The following PATJ variants were observed in gnomAD, a reference collection of about 807,000 sequenced individuals.
PATJ encodes inaD-like protein.
A neutral mutation model predicts 224.9 loss-of-function variants in PATJ; 190 were observed. The ratio of observed to expected loss-of-function variants is 0.84; its 90% confidence interval spans 0.75 to 0.95. The LOEUF is 0.95. Ranked by LOEUF, PATJ falls within the 40% of genes least tolerant of loss-of-function variation. PATJ has a pLI of 0.00. For synonymous variants in PATJ, 769 were observed against 820.3 expected (o/e 0.94, Z 1.07); for missense variants, 2,121 against 2,270.3 (o/e 0.93, Z 1.34).
chr1:61,895,101 A>G (rs1670173209), intron 22 of PATJ, among the ~76,000 whole-genome samples: 1 of 152,216 alleles, frequency 6.6e-6, no homozygotes, highest in African/African-American at 2.4e-5. Context: ...CTAAGCAGCA[A>G]AGCATTGAAG....
chr1:61,827,908 C>T (rs1349640646), intron 16 of PATJ, among the ~76,000 whole-genome samples: 3 of 152,088 alleles, frequency 2.0e-5, no homozygotes, highest in Admixed American at 6.6e-5. Flanking sequence ...AAGGTGTTTG[C>T]GAGTGTTGCA....
Position 62,062,976 on chromosome 1 carries a change from A to G in PATJ, c.4125+11918A>G, listed in dbSNP as rs377741126. Among the ~76,000 whole-genome samples the G allele has an allele frequency of 1.5e-3, 234 of 152,288 alleles. 3 individuals carry two copies. The South Asian group carries it at 0.039, about 26-fold the overall frequency. The stretch of plus-strand genomic sequence containing the variant: ...TGTAGGTTGTCTGTTTACTCTGTTA[A>G]TAGTTTCTTTTGCTATGCAGAAACT... On this transcript the variant is annotated intron_variant, in intron 31 of 43. Coordinates refer to ENST00000642238, the MANE Select transcript of PATJ (RefSeq NM_001350145.3).
intron 31 of PATJ, among the ~76,000 whole-genome samples, chr1:62,054,686 A>G: frequency 6.6e-6 from 1 of 152,222 alleles, no homozygotes; most frequent in East Asian, 1.9e-4. Flanking sequence ...AAGAACTTGA[A>G]TGAAAGTACT....
chr1:61,945,494 A>G (rs555324199), intron 27 of PATJ, among the ~76,000 whole-genome samples: 20 of 152,340 alleles, frequency 1.3e-4, no homozygotes, highest in African/African-American at 3.8e-4. Context: ...GCCATTACAT[A>G]ATGGGAAAGG....
chr1:61,776,423 T>C (rs1646914484), intron 7 of PATJ, among the ~76,000 whole-genome samples: 1 of 152,200 alleles, frequency 6.6e-6, no homozygotes, highest in African/African-American at 2.4e-5. Context: ...ACCGTTATAG[T>C]AATGATTGCA....
intron 37 of PATJ, among the ~76,000 whole-genome samples, chr1:62,119,863 G>T (rs1186836203): frequency 6.6e-6 from 1 of 152,166 alleles, no homozygotes; most frequent in Non-Finnish European, 1.5e-5. Flanking sequence ...AGAATCACTT[G>T]AACCTGGGAG....
chr1:61,863,035 T>TG (rs1412799914), intron 19 of PATJ, among the ~76,000 whole-genome samples: 9 of 141,678 alleles, frequency 6.4e-5, no homozygotes, highest in African/African-American at 2.4e-4. Flanking sequence ...CAGTTTTTTT[T>TG]TTTTTTTTTT....
At chr1:61,902,780 C>A (rs1671365885) in intron 24 of PATJ, among the ~76,000 whole-genome samples, 1 of 151,916 alleles carries the variant, frequency 6.6e-6, no homozygotes. Context: ...AGCTAGGGAA[C>A]AAAATAAAGC....
intron 28 of PATJ, among the ~76,000 whole-genome samples, chr1:62,017,413 C>CA (rs58031818): frequency 0.58 from 77,762 of 134,312 alleles, 21,709 homozygotes; most frequent in African/African-American, 0.62. Flanking sequence ...GACTCCGCCT[C>CA]AAAAAAAAAA....
At chr1:61,825,788 A>G (rs1658144866) in intron 15 of PATJ, among the ~76,000 whole-genome samples, 1 of 152,214 alleles carries the variant, frequency 6.6e-6, no homozygotes, top group African/African-American at 2.4e-5. Context: ...AAAAACCTGA[A>G]AAGTGACTTT....
chr1:61,950,354 A>T (rs551741950), intron 27 of PATJ, among the ~76,000 whole-genome samples: 117 of 152,274 alleles, frequency 7.7e-4, no homozygotes, highest in African/African-American at 2.5e-3. Context: ...GCCCCAAACC[A>T]CTAAATTAGT....
intron 21 of PATJ, among the ~76,000 whole-genome samples, chr1:61,876,749 A>G (rs1318371885): frequency 1.3e-5 from 2 of 152,182 alleles, no homozygotes; most frequent in Non-Finnish European, 2.9e-5. Context: ...GTTTGGGTGG[A>G]GGAGCAGTGG....
intron 27 of PATJ, among the ~76,000 whole-genome samples, chr1:61,948,498 T>C (rs2149372972): frequency 6.6e-6 from 1 of 152,128 alleles, no homozygotes; most frequent in Middle Eastern, 3.4e-3. Flanking sequence ...GAAATGCAAA[T>C]CAAAACCACA....
rs1558015030 is a variant in PATJ, at chr1:61,998,031, T to TAA, written c.3867+7667_3867+7668insAA. On this transcript the variant is annotated intron_variant, in intron 28 of 43. Coordinates refer to ENST00000642238, the MANE Select transcript of PATJ (RefSeq NM_001350145.3). ...ATATATATTAATTATATATAATATA[T>TAA]TATATATTTATTATATATATTATAT... Among the ~76,000 whole-genome samples the TAA allele has an allele frequency of 2.3e-4, 29 of 128,546 alleles. 1 individual carries two copies. Among genetic ancestry groups the TAA allele is most frequent in the African/African-American group, 7.7e-4 (25 of 32,464 alleles). 84.3% of individuals were successfully genotyped at this position (128,546 alleles called of 152,430 possible).
At chr1:61,765,770 C>T (rs1646237390) in intron 3 of PATJ, among the ~76,000 whole-genome samples, 1 of 152,054 alleles carries the variant, frequency 6.6e-6, no homozygotes, top group Non-Finnish European at 1.5e-5. Flanking sequence ...GGTTTTTAGG[C>T]TCACAAAATG....
chr1:61,815,706 T>A (rs1343628478), intron 14 of PATJ, among the ~76,000 whole-genome samples: 1 of 152,082 alleles, frequency 6.6e-6, no homozygotes, highest in Non-Finnish European at 1.5e-5. Context: ...AAAAGAAGCA[T>A]CTTCATATAT....
At chr1:61,987,647 T>G (rs924006356) in intron 27 of PATJ, among the ~76,000 whole-genome samples, 1 of 152,198 alleles carries the variant, frequency 6.6e-6, no homozygotes, top group Non-Finnish European at 1.5e-5. Context: ...AAATGGAATA[T>G]TATTGCTGTA....
intron 1 of PATJ, among the ~76,000 whole-genome samples, chr1:61,750,160 A>G (rs1645240724): frequency 6.6e-6 from 1 of 152,144 alleles, no homozygotes; most frequent in South Asian, 2.1e-4. Context: ...TCATAGTTCA[A>G]AGAAGTTAGT....
rs541052718 is a variant in PATJ, at chr1:62,139,778, G to A, written c.5272-8506G>A. ...TTCTTTTTTTTTTTTCTTTTTTTTT[G>A]AGACAGGGTCTCACTCTGTTGCCCA... On this transcript the variant is annotated intron_variant, in intron 41 of 43. Transcript: ENST00000642238. Among the ~76,000 whole-genome samples the A allele has an allele frequency of 2.3e-5, 3 of 129,938 alleles. No individual in the cohort carries two copies. The South Asian group carries it at 7.5e-4, about 33-fold the overall frequency. 85.2% of individuals were successfully genotyped at this position (129,938 alleles called of 152,430 possible).
Sources: allele counts gnomAD v4.1 joint callset (sites outside exome capture counted in the v4.1 genomes callset), GRCh38; gene constraint gnomAD v4.1.1; transcripts MANE v1.5; gene names NCBI Gene and HGNC (gene_info 2026-07-23, HGNC 2026-07-21).